TMPRSS2: variants seen among roughly 807,000 people sequenced by gnomAD.
TMPRSS2 encodes transmembrane protease serine 2.
TMPRSS2 carries 59 observed loss-of-function variants against 67.4 expected under a neutral mutation model. The ratio of observed to expected loss-of-function variants is 0.88; its 90% CI spans 0.71 to 1.09. TMPRSS2 has a LOEUF of 1.09. Among genes scored for constraint, TMPRSS2 ranks in the 50% least tolerant of loss-of-function variants. The pLI is 0.00. For missense variants in TMPRSS2, 668 were observed against 642.7 expected (o/e 1.04, Z -0.43); for synonymous variants, 257 against 257.0 (o/e 1.00, Z 0.00).
At chr21:41,477,775 G>T (rs565720190) in intron 7 of TMPRSS2, among the ~76,000 whole-genome samples, 1 of 151,890 alleles carries the variant, frequency 6.6e-6, no homozygotes, top group Admixed American at 6.6e-5. Flanking sequence ...TGGTCACAGC[G>T]CCAGGGCACA....
chr21:41,476,489 G>T, intron 8 of TMPRSS2, 88 bp downstream of exon 8: 1 of 1,356,670 alleles, frequency 7.4e-7, no homozygotes, highest in Non-Finnish European at 1.1e-6. Flanking sequence ...TCCCTCCCAC[G>T]CCCCCAGAGA....
In TMPRSS2 at chr21:41,464,909, C is replaced by A. The variant is rs919709214; in HGVS notation, c.*1233G>T. The A allele has an allele frequency of 4.3e-6, 1 of 233,304 alleles. No individual in the cohort carries two copies. Among genetic ancestry groups the A allele is most frequent in the Non-Finnish European group, 8.5e-6 (1 of 118,064 alleles). 14.5% of individuals were successfully genotyped at this position (233,304 alleles called of 1,614,324 possible). ...CAGCCTGCTTGGCCAGGAGGCAGAA[C>A]CATGGTAGAGTAGTGCTCATGGTTA... On this transcript the variant is annotated 3_prime_UTR_variant, in exon 14 of 14. Coordinates refer to ENST00000332149, the MANE Select transcript of TMPRSS2 (RefSeq NM_005656.4).
chr21:41,473,503 A>G lies in TMPRSS2; in HGVS notation c.728-7T>C, dbSNP rs1291217926. The G allele has an allele frequency of 1.9e-6, 3 of 1,603,696 alleles. No homozygotes were observed. Among genetic ancestry groups the G allele is most frequent in the Admixed American group, 3.4e-5 (2 of 59,224 alleles). Reference sequence around the variant, plus strand: ...TTCAAGTTGACCCCGCAGGCTGAGGATGACAAACAGGAGGCCAGTGGGGTG... The same window carrying G: ...TTCAAGTTGACCCCGCAGGCTGAGGGTGACAAACAGGAGGCCAGTGGGGTG... On this transcript the variant is annotated splice_polypyrimidine_tract_variant and splice_region_variant and intron_variant, in intron 8 of 13. Transcript: ENST00000332149.
intron 1 of TMPRSS2, among the ~76,000 whole-genome samples, chr21:41,506,159 T>A (rs1290882819): frequency 6.6e-6 from 1 of 152,330 alleles, no homozygotes; most frequent in South Asian, 2.1e-4. Flanking sequence ...GGCCAGCACC[T>A]AGCAACCTGG....
chr21:41,477,554 C>T (rs954024381), intron 7 of TMPRSS2, among the ~76,000 whole-genome samples: 1 of 152,138 alleles, frequency 6.6e-6, no homozygotes, highest in Non-Finnish European at 1.5e-5. Context: ...CTCCAACCAC[C>T]CCCAAACCAC....
intron 5 of TMPRSS2, among the ~76,000 whole-genome samples, chr21:41,483,201 C>T (rs563330951): frequency 6.6e-6 from 1 of 152,136 alleles, no homozygotes; most frequent in Admixed American, 6.5e-5. Flanking sequence ...ACAAGGAGCT[C>T]GCTGCCCTGT....
chr21:41,468,661 C>T, intron 11 of TMPRSS2, 123 bp from the exon 12 acceptor site: 2 of 1,122,212 alleles, frequency 1.8e-6, no homozygotes, highest in Non-Finnish European at 1.3e-6. Flanking sequence ...TTTTCCAGCC[C>T]TGCCCCGGTC....
intron 8 of TMPRSS2, 110 bp downstream of exon 8, chr21:41,476,467 A>AC: frequency 1.8e-6 from 2 of 1,111,846 alleles, no homozygotes; most frequent in South Asian, 2.5e-5. Context: ...CCAACCCGTG[A>AC]CCCCACCTTC....
chr21:41,473,217 T>C, intron 9 of TMPRSS2, 108 bp downstream of exon 9: 7 of 1,306,510 alleles, frequency 5.4e-6, no homozygotes, highest in Non-Finnish European at 7.2e-6. Flanking sequence ...CTCTCCCCAT[T>C]TAAACACAAG....
intron 3 of TMPRSS2, among the ~76,000 whole-genome samples, chr21:41,492,416 C>T (rs917420343): frequency 2.0e-5 from 3 of 152,294 alleles, no homozygotes; most frequent in East Asian, 1.9e-4. Context: ...CAACCTTCTA[C>T]GGCTGTTGCT....
At chr21:41,479,735 A>T (rs762577094) in intron 6 of TMPRSS2, among the ~76,000 whole-genome samples, 1 of 152,150 alleles carries the variant, frequency 6.6e-6, no homozygotes, top group African/African-American at 2.4e-5. Flanking sequence ...ATTCATTCTG[A>T]AAACTGGCAT....
intron 9 of TMPRSS2, 140 bp downstream of exon 9, chr21:41,473,185 G>T: frequency 1.0e-6 from 1 of 999,264 alleles, no homozygotes; most frequent in Non-Finnish European, 1.4e-6. Context: ...ATGTCTCACA[G>T]CCCTAGGAAG....
chr21:41,466,607 G>A (rs905527386), intron 13 of TMPRSS2, among the ~76,000 whole-genome samples: 1 of 152,156 alleles, frequency 6.6e-6, no homozygotes, highest in Non-Finnish European at 1.5e-5. Context: ...TTCTAGCACT[G>A]GGCCCTGGGC....
Position 41,479,449 on chromosome 21 carries a change from T to C in TMPRSS2, c.573-167A>G, listed in dbSNP as rs137871202. Among the ~76,000 whole-genome samples, 145 of 152,328 alleles carry C rather than the reference T, an allele frequency of 9.5e-4. 1 individual carries two copies. Among genetic ancestry groups the C allele is most frequent in the African/African-American group, 3.3e-3 (138 of 41,578 alleles). On this transcript the variant is annotated intron_variant, in intron 6 of 13. Transcript: ENST00000332149. Reference sequence around the variant, plus strand: ...ACCAAGTGCTAGAATATTGTAACGATTTTTCGATTCAATAACCCTAAAGTG... The same window carrying C: ...ACCAAGTGCTAGAATATTGTAACGACTTTTCGATTCAATAACCCTAAAGTG...
chr21:41,507,665 C>G (rs1191842682), intron 1 of TMPRSS2, among the ~76,000 whole-genome samples: 1 of 152,246 alleles, frequency 6.6e-6, no homozygotes, highest in Non-Finnish European at 1.5e-5. Context: ...CGACAGCACT[C>G]CCAGTCCTCC....
intron 3 of TMPRSS2, among the ~76,000 whole-genome samples, chr21:41,492,667 T>A (rs2091346939): frequency 2.0e-5 from 3 of 152,232 alleles, no homozygotes; most frequent in South Asian, 2.1e-4. Flanking sequence ...AAATCATACA[T>A]GTAGGTTCAT....
At chr21:41,484,146 G>A (rs1242048949) in intron 5 of TMPRSS2, among the ~76,000 whole-genome samples, 1 of 152,178 alleles carries the variant, frequency 6.6e-6, no homozygotes, top group Non-Finnish European at 1.5e-5. Context: ...CATGTTTAAT[G>A]TGTACAGCGT....
At position 41,498,108 on chromosome 21, in the gene TMPRSS2, T is replaced by TTCA; in HGVS notation, c.15+10_15+11insTGA. The TTCA allele has an allele frequency of 6.3e-7, 1 of 1,593,656 alleles. No homozygotes were observed. Among genetic ancestry groups the TTCA allele is most frequent in the South Asian group, 1.1e-5 (1 of 89,844 alleles). ...AAGAAAAGGCCAGGAAGGTAATAAT[T>TTCA]AACCACTTACTGAGTTCAAAGCCAT... On this transcript the variant is annotated intron_variant, in intron 2 of 13. Transcript: ENST00000332149.
intron 3 of TMPRSS2, among the ~76,000 whole-genome samples, chr21:41,491,156 T>A (rs1457760653): frequency 4.6e-5 from 3 of 64,704 alleles, no homozygotes; most frequent in African/African-American, 3.8e-4. Flanking sequence ...ATTGCATTTT[T>A]TTTTTTTTTT....
Sources: allele counts gnomAD v4.1 joint callset (sites outside exome capture counted in the v4.1 genomes callset), GRCh38; gene constraint gnomAD v4.1.1; transcripts MANE v1.5; gene names NCBI Gene and HGNC (gene_info 2026-07-23, HGNC 2026-07-21).